The following LIPM variants were observed in gnomAD, a reference collection of about 807,000 sequenced individuals.
LIPM encodes the protein lipase member M.
LIPM carries 42 observed loss-of-function variants against 42.4 expected under a neutral mutation model. The observed-to-expected ratio is 0.99, with a 90% CI of 0.77 to 1.28. The LOEUF (loss-of-function observed/expected upper bound fraction) is 1.28. LIPM is among the 50% of genes most tolerant of loss of function. The probability of loss-of-function intolerance (pLI) is 0.00; values close to 1 mark genes in which losing one functional copy is unlikely to be tolerated. For missense variants in LIPM, 524 were observed against 520.1 expected (o/e 1.01, Z -0.07); for synonymous variants, 177 against 173.3 (o/e 1.02, Z -0.17).
chr10:88,815,522 A>T lies in LIPM; in HGVS notation c.858+19A>T. Reference sequence around the variant, plus strand: ...GAACATGGTAAGTGGGAGCCTAGTAAATTCCCAGCATCCCAGCATAAAGCT... The same window carrying T: ...GAACATGGTAAGTGGGAGCCTAGTATATTCCCAGCATCCCAGCATAAAGCT... On this transcript the variant is annotated intron_variant, in intron 6 of 8. Coordinates refer to ENST00000404743, the MANE Select transcript of LIPM (RefSeq NM_001128215.1). 2 of 1,548,868 alleles carry T rather than the reference A, an allele frequency of 1.3e-6. No homozygotes were observed. Among genetic ancestry groups the T allele is most frequent in the South Asian group, 1.2e-5 (1 of 83,730 alleles).
At position 88,815,212 on chromosome 10, in the gene LIPM, TATG is replaced by T; in HGVS notation, c.705_707del (p.Met235del). ...GGACCAAATTTTTGTTGCTGCCAGA[TATG>T]ATGATCAAGGTATGAGACTCCTCAG... On this transcript the variant is annotated inframe_deletion, in exon 5 of 9. Transcript: ENST00000404743. The T allele has an allele frequency of 1.3e-6, 2 of 1,551,884 alleles. No homozygotes were observed. Among genetic ancestry groups the T allele is most frequent in the Non-Finnish European group, 1.7e-6 (2 of 1,146,990 alleles).
At chr10:88,817,300 A>G (rs1843728898) in intron 7 of LIPM, among the ~76,000 whole-genome samples, 2 of 152,192 alleles carry the variant, frequency 1.3e-5, no homozygotes, top group African/African-American at 4.8e-5. Flanking sequence ...CACACTGCAA[A>G]CTTTACCTGC....
At chr10:88,818,061 G>A (rs1486870350) in intron 8 of LIPM, among the ~76,000 whole-genome samples, 165 bp downstream of exon 8, 1 of 152,184 alleles carries the variant, frequency 6.6e-6, no homozygotes, top group Non-Finnish European at 1.5e-5. Flanking sequence ...GTTCACAGCT[G>A]ATCCAAGAAA....
At position 88,803,059 on chromosome 10, in the gene LIPM, T is replaced by C; in HGVS notation, c.147+16T>C. On this transcript the variant is annotated intron_variant, in intron 1 of 8. Transcript: ENST00000404743. ...CATGAATATTGTAAGTTGGGATTTC[T>C]GGGAAATGAGGTACTTAACATGTTA... The C allele has an allele frequency of 2.6e-6, 4 of 1,549,698 alleles. No individual in the cohort carries two copies. The highest frequency in any genetic ancestry group is 3.5e-6 in the Non-Finnish European group (4 of 1,146,096).
In LIPM at chr10:88,817,818, C is replaced by T; in HGVS notation, c.931-7C>T. On this transcript the variant is annotated splice_region_variant and splice_polypyrimidine_tract_variant and intron_variant, in intron 7 of 8. Transcript: ENST00000404743. Reference sequence around the variant, plus strand: ...GGAATTCCTTGTAAATTTTTGTCTCCTTTTAGGCAGTGAATTCTGGTGAAC... The same window carrying T: ...GGAATTCCTTGTAAATTTTTGTCTCTTTTTAGGCAGTGAATTCTGGTGAAC... 6.4e-7 allele frequency: 1 copy of T among 1,550,442 alleles called. No homozygotes were observed. Among genetic ancestry groups the T allele is most frequent in the Non-Finnish European group, 8.7e-7 (1 of 1,146,008 alleles).
rs1296814438 is a variant in LIPM at position 88,802,891 on chromosome 10, T to C, written c.-6T>C. 1 of 1,537,564 alleles carries C rather than the reference T, an allele frequency of 6.5e-7. No individual in the cohort carries two copies. Among genetic ancestry groups the C allele is most frequent in the East Asian group, 2.5e-5 (1 of 40,596 alleles). ...GGCAGGAAAAAATAAATGCAGATGT[T>C]GGACCATGTTGGAAACCTTGTCAAG... is the stretch of plus-strand genomic sequence containing the variant. On this transcript the variant is annotated 5_prime_UTR_variant, in exon 1 of 9. Coordinates refer to ENST00000404743, the MANE Select transcript of LIPM (RefSeq NM_001128215.1).
At position 88,815,251 on chromosome 10, in the gene LIPM, G is replaced by A. The variant is rs974940927; in HGVS notation, c.711+27G>A. Reference sequence around the variant, plus strand: ...TATGAGACTCCTCAGAAAACTTCCTGTGTACGTAGAAAAATCTTCCAGCCC... The same window carrying A: ...TATGAGACTCCTCAGAAAACTTCCTATGTACGTAGAAAAATCTTCCAGCCC... On this transcript the variant is annotated intron_variant, in intron 5 of 8. Coordinates refer to ENST00000404743, the MANE Select transcript of LIPM (RefSeq NM_001128215.1). The A allele has an allele frequency of 3.2e-6, 5 of 1,547,920 alleles. No individual in the cohort carries two copies. In the African/African-American group the frequency reaches 6.9e-5, roughly 21 times the overall value.
In LIPM at chr10:88,816,881, G is replaced by T; in HGVS notation, c.924G>T (p.Trp308Cys). 1 of 1,551,076 alleles carries T rather than the reference G, an allele frequency of 6.4e-7. No individual in the cohort carries two copies. Among genetic ancestry groups the T allele is most frequent in the South Asian group, 1.2e-5 (1 of 84,052 alleles). The change falls in exon 7 of 9, where the codon TGG becomes TGT. Residue 308 changes from tryptophan (W) to cysteine (C), a missense_variant. Trp to Cys is a radical substitution (Grantham distance 215). Coordinates refer to ENST00000404743, the MANE Select transcript of LIPM (RefSeq NM_001128215.1). ...AGTSVQNILH[W>C]SQAVNSGELR... ...CATCTGTGCAAAATATTCTACACTGGAGCCAGGTAAGAATGTTGAATTTGC... is the reference window on the plus strand; with the variant it reads ...CATCTGTGCAAAATATTCTACACTGTAGCCAGGTAAGAATGTTGAATTTGC...
At position 88,820,355 on chromosome 10, in the gene LIPM, A is replaced by G; in HGVS notation, c.1126A>G (p.Ile376Val). ...GCTGCTCTCTGAGGTGACCAACCTC[A>G]TCTACCATAAGAATATTCCTGAATG... The part of the protein sequence containing the change: ...KMLLSEVTNL[I>V]YHKNIPEWAH... Residue 376 changes from isoleucine (I) to valine (V), a missense_variant, in exon 9 of 9, where the codon ATC becomes GTC. Ile to Val is a conservative substitution (Grantham distance 29, BLOSUM62 3). Transcript: ENST00000404743. 1.3e-6 allele frequency: 2 copies of G among 1,552,332 alleles called. No individual in the cohort carries two copies. Among genetic ancestry groups the G allele is most frequent in the Non-Finnish European group, 1.7e-6 (2 of 1,147,136 alleles).
rs933859346 is a variant in LIPM, at chr10:88,820,322, G to A, written c.1093G>A (p.Val365Met). ...GQDWLSNPED[V>M]KMLLSEVTNL... ...GGACTGGCTTTCAAATCCAGAAGAC[G>A]TGAAAATGCTGCTCTCTGAGGTGAC... The change falls in exon 9 of 9, where the codon GTG becomes ATG. Residue 365 changes from valine (V) to methionine (M), a missense_variant. Transcript: ENST00000404743. The A allele has an allele frequency of 2.8e-5, 43 of 1,552,116 alleles. No homozygotes were observed. The highest frequency in any genetic ancestry group is 5.5e-5 in the African/African-American group (4 of 73,042).
Position 88,820,387 on chromosome 10 carries a change from C to A in LIPM, c.1158C>A (p.His386Gln), listed in dbSNP as rs10788615. The A allele has an allele frequency of 1.3e-6, 2 of 1,552,106 alleles. No homozygotes were observed. The highest frequency in any genetic ancestry group is 1.7e-6 in the Non-Finnish European group (2 of 1,147,078). ...ATAAGAATATTCCTGAATGGGCTCA[C>A]GTGGATTTCATCTGGGGTTTGGATG... ...IYHKNIPEWA[H>Q]VDFIWGLDAP... Residue 386 changes from histidine (H) to glutamine (Q), a missense_variant, in exon 9 of 9, where the codon CAC becomes CAA. By Grantham distance (24) the His-to-Gln change is conservative (BLOSUM62 0). Transcript: ENST00000404743.
At position 88,813,111 on chromosome 10, in the gene LIPM, G is replaced by A. The variant is rs749468491; in HGVS notation, c.280G>A (p.Val94Met). Residue 94 changes from valine (V) to methionine (M), a missense_variant, in exon 3 of 9, where the codon GTG becomes ATG. Val to Met is a conservative substitution (Grantham distance 21, BLOSUM62 1). Transcript: ENST00000404743. The stretch of plus-strand genomic sequence containing the variant: ...TCTTTTTGCAGGTTCCAGGCCTGTG[G>A]TGTTACTGCAGCATGGCCTAGTTGG... ...QPKKTGSRPV[V>M]LLQHGLVGGA... 9 of 1,596,184 alleles carry A rather than the reference G, an allele frequency of 5.6e-6. No individual in the cohort carries two copies. In the South Asian group the frequency reaches 1.0e-4, roughly 18 times the overall value.
At chr10:88,809,244 C>T (rs1182019741) in intron 2 of LIPM, among the ~76,000 whole-genome samples, 4 of 152,112 alleles carry the variant, frequency 2.6e-5, no homozygotes, top group Non-Finnish European at 4.4e-5. Flanking sequence ...CATGAGCCAC[C>T]GCGCCTGGCT....
Position 88,819,566 on chromosome 10 carries a change from G to A in LIPM, c.1003-666G>A, listed in dbSNP as rs77793193. 0.016 allele frequency among the ~76,000 whole-genome samples: 2,439 copies of A among 152,286 alleles called. 108 individuals are homozygous for A. The East Asian group carries it at 0.17, about 11-fold the overall frequency. ...GCTGATTAATCTCAAGGGCTCAGCC[G>A]GCTAGGCTAATTCTACTAACACTGC... On this transcript the variant is annotated intron_variant, in intron 8 of 8. Coordinates refer to ENST00000404743, the MANE Select transcript of LIPM (RefSeq NM_001128215.1).
At chr10:88,808,970 T>TATTTTATTTTATTTTATTTTTG (rs1564595838) in intron 2 of LIPM, among the ~76,000 whole-genome samples, 1 of 145,510 alleles carries the variant, frequency 6.9e-6, no homozygotes, top group African/African-American at 2.5e-5. Flanking sequence ...TATTTTATTT[T>TATTTTATTTTATTTTATTTTTG]TGAGGTGGAG....
chr10:88,813,087 C>A lies in LIPM; in HGVS notation c.266-10C>A. On this transcript the variant is annotated splice_polypyrimidine_tract_variant and intron_variant, in intron 2 of 8. Transcript: ENST00000404743. ...ACATTTCATACAGTTGAAATTTTCT[C>A]TTTTTGCAGGTTCCAGGCCTGTGGT... 8 of 1,566,840 alleles carry A rather than the reference C, an allele frequency of 5.1e-6. No individual in the cohort carries two copies. Among genetic ancestry groups the A allele is most frequent in the Non-Finnish European group, 6.1e-6 (7 of 1,154,900 alleles).
intron 7 of LIPM, 115 bp from the exon 8 acceptor site, chr10:88,817,710 A>G: frequency 1.5e-6 from 1 of 662,116 alleles, no homozygotes; most frequent in South Asian, 1.9e-5. Context: ...AGAGCAGCTC[A>G]ACCATTGCTC....
intron 2 of LIPM, 58 bp from the exon 3 acceptor site, chr10:88,813,039 C>G (rs1437666261): frequency 1.4e-6 from 2 of 1,392,504 alleles, no homozygotes; most frequent in Non-Finnish European, 2.0e-6. Context: ...TTATTCATTA[C>G]TGGACAACAA....
At chr10:88,819,138 C>T (rs1165000656) in intron 8 of LIPM, among the ~76,000 whole-genome samples, 1 of 152,096 alleles carries the variant, frequency 6.6e-6, no homozygotes, top group African/African-American at 2.4e-5. Flanking sequence ...GATCCACCTA[C>T]CTCAGCCTCC....
Sources: allele counts gnomAD v4.1 joint callset (sites outside exome capture counted in the v4.1 genomes callset), GRCh38; gene constraint gnomAD v4.1.1; transcripts MANE v1.5; gene names NCBI Gene and HGNC (gene_info 2026-07-23, HGNC 2026-07-21).